The following LRP12 variants were observed in gnomAD, a reference collection of about 807,000 sequenced individuals.
The protein encoded by LRP12 is LDL receptor related protein 12.
LRP12 carries 14 observed loss-of-function variants against 66.0 expected under a neutral mutation model. That is an observed-to-expected ratio of 0.21 (90% CI 0.14 to 0.33). The LOEUF (loss-of-function observed/expected upper bound fraction) is 0.33. LRP12 is among the 10% of genes least tolerant of loss of function. The pLI, the probability that LRP12 is intolerant of heterozygous loss-of-function variation, is 1.00. For missense variants in LRP12, 889 were observed against 1,053.4 expected (o/e 0.84, Z 2.16); for synonymous variants, 357 against 359.1 (o/e 0.99, Z 0.07).
At chr8:104,584,803 A>C (rs1472732544) in intron 1 of LRP12, among the ~76,000 whole-genome samples, 1 of 152,224 alleles carries the variant, frequency 6.6e-6, no homozygotes, top group African/African-American at 2.4e-5. Context: ...TTATGTAATC[A>C]AACTTGACTT....
At chr8:104,570,726 T>C (rs563718144) in intron 1 of LRP12, among the ~76,000 whole-genome samples, 53 of 152,248 alleles carry the variant, frequency 3.5e-4, no homozygotes, top group African/African-American at 1.3e-3. Context: ...TAAAGAGCTT[T>C]TAGAAATGAC....
rs1810611139 is a variant in LRP12 at position 104,490,889 on chromosome 8, C to G, written c.2364G>C (p.Val788=). Residue 788 remains valine, a synonymous_variant, in exon 7 of 7, where the codon GTG becomes GTC. Coordinates refer to ENST00000276654, the MANE Select transcript of LRP12 (RefSeq NM_013437.5). ...CAAGAAGAGGTCTGGAGCAGTCATT[C>G]ACATCAAAGTCTGAAGATCCATCAG... ...PISDGSSDFD[V]NDCSRPLLDL... The G allele has an allele frequency of 1.2e-6, 2 of 1,614,122 alleles. No homozygotes were observed. Among genetic ancestry groups the G allele is most frequent in the Non-Finnish European group, 1.7e-6 (2 of 1,180,014 alleles).
chr8:104,583,497 C>T (rs1288556639), intron 1 of LRP12, among the ~76,000 whole-genome samples: 1 of 152,182 alleles, frequency 6.6e-6, no homozygotes, highest in Non-Finnish European at 1.5e-5. Context: ...TACTCTGTGC[C>T]TGTTACTCAC....
At chr8:104,580,874 C>T (rs114387724) in intron 1 of LRP12, among the ~76,000 whole-genome samples, 4,673 of 152,212 alleles carry the variant, frequency 0.031, 237 homozygotes, top group African/African-American at 0.11. Flanking sequence ...GACAACGTGG[C>T]GACTCCTCAA....
chr8:104,522,885 G>A (rs1436659061), intron 2 of LRP12, among the ~76,000 whole-genome samples: 1 of 152,028 alleles, frequency 6.6e-6, no homozygotes, highest in Non-Finnish European at 1.5e-5. Context: ...ATAAAAGGTT[G>A]AGACTTTAAT....
At chr8:104,579,826 G>A (rs138557614) in intron 1 of LRP12, among the ~76,000 whole-genome samples, 5 of 152,236 alleles carry the variant, frequency 3.3e-5, no homozygotes, top group South Asian at 2.1e-4. Context: ...ATGAGCCATA[G>A]GAAAAGGATT....
chr8:104,555,160 T>C (rs191123267), intron 1 of LRP12, among the ~76,000 whole-genome samples: 3 of 152,142 alleles, frequency 2.0e-5, no homozygotes, highest in Non-Finnish European at 2.9e-5. Context: ...TATACCAAAA[T>C]AAAACCTCCT....
At chr8:104,556,459 T>C (rs1029536190) in intron 1 of LRP12, among the ~76,000 whole-genome samples, 2 of 152,040 alleles carry the variant, frequency 1.3e-5, no homozygotes, top group Non-Finnish European at 2.9e-5. Flanking sequence ...ATGGGAGATA[T>C]TACAACTGAT....
At chr8:104,492,587 A>C (rs1342947255) in intron 6 of LRP12, among the ~76,000 whole-genome samples, 2 of 152,190 alleles carry the variant, frequency 1.3e-5, no homozygotes, top group Admixed American at 6.5e-5. Context: ...AGAAGAAAGA[A>C]GGTAGAAAAT....
chr8:104,569,831 T>C (rs561156122), intron 1 of LRP12, among the ~76,000 whole-genome samples: 1 of 151,804 alleles, frequency 6.6e-6, no homozygotes, highest in East Asian at 1.9e-4. Flanking sequence ...AATAAATAAA[T>C]TAAAAAAAGG....
At chr8:104,575,726 C>T (rs1049973007) in intron 1 of LRP12, among the ~76,000 whole-genome samples, 7 of 152,104 alleles carry the variant, frequency 4.6e-5, no homozygotes, top group Non-Finnish European at 5.9e-5. Context: ...CTTTTTCCCT[C>T]CAAATGACCA....
intron 1 of LRP12, among the ~76,000 whole-genome samples, chr8:104,553,989 G>A (rs916281077): frequency 3.9e-5 from 6 of 152,284 alleles, no homozygotes; most frequent in Non-Finnish European, 8.8e-5. Flanking sequence ...CCAGGCCAGA[G>A]CCTGGTAGCT....
intron 1 of LRP12, among the ~76,000 whole-genome samples, chr8:104,548,171 A>AATATATAAT (rs1554709879): frequency 2.8e-4 from 28 of 99,084 alleles, no homozygotes; most frequent in Non-Finnish European, 4.7e-4. Flanking sequence ...TATTATATAT[A>AATATATAAT]ATATAATATA....
At chr8:104,548,895 G>A (rs1040765381) in intron 1 of LRP12, among the ~76,000 whole-genome samples, 2 of 151,308 alleles carry the variant, frequency 1.3e-5, no homozygotes, top group African/African-American at 4.9e-5. Flanking sequence ...CTGAGACTGC[G>A]CCATTGCACT....
rs548934402 is a variant in LRP12, at chr8:104,499,477, C to G, written c.315G>C (p.Leu105Phe). The G allele has an allele frequency of 6.2e-7, 1 of 1,612,196 alleles. No homozygotes were observed. Among genetic ancestry groups the G allele is most frequent in the East Asian group, 2.2e-5 (1 of 44,796 alleles). Reference sequence around the variant, plus strand: ...TGTATGTTTCTATTGTCAACCAGTCCAAATTGCACCTTCTGGATCCTTGAA... The same window carrying G: ...TGTATGTTTCTATTGTCAACCAGTCGAAATTGCACCTTCTGGATCCTTGAA... ...FDIQGSRRCN[L>F]DWLTIETYKN... The change falls in exon 4 of 7, where the codon TTG becomes TTC. Residue 105 changes from leucine (L) to phenylalanine (F), a missense_variant. This residue lies in a region of LRP12 where 800 missense variants were observed against 964.5 expected (regional missense o/e 0.83). Coordinates refer to ENST00000276654, the MANE Select transcript of LRP12 (RefSeq NM_013437.5).
chr8:104,524,718 T>C (rs1379972203), intron 2 of LRP12, among the ~76,000 whole-genome samples: 1 of 152,052 alleles, frequency 6.6e-6, no homozygotes, highest in African/African-American at 2.4e-5. Flanking sequence ...TGTAGGAAGG[T>C]AGGGTTAATG....
intron 2 of LRP12, among the ~76,000 whole-genome samples, chr8:104,517,002 T>C (rs1811079528): frequency 6.6e-6 from 1 of 151,852 alleles, no homozygotes. Context: ...ACTTTGATTT[T>C]AATAAATCAC....
intron 1 of LRP12, among the ~76,000 whole-genome samples, chr8:104,580,035 A>T (rs1812221221): frequency 6.6e-6 from 1 of 152,318 alleles, no homozygotes; most frequent in African/African-American, 2.4e-5. Flanking sequence ...ATCTCAGGAT[A>T]AAGATGCCAA....
intron 1 of LRP12, among the ~76,000 whole-genome samples, chr8:104,542,266 T>G (rs73295148): frequency 0.017 from 2,565 of 152,332 alleles, 70 homozygotes; most frequent in African/African-American, 0.058. Context: ...TCTTTTCATG[T>G]GCTTAACAGC....
Sources: allele counts gnomAD v4.1 joint callset (sites outside exome capture counted in the v4.1 genomes callset), GRCh38; gene constraint gnomAD v4.1.1; regional missense constraint gnomAD v4.1.1; transcripts MANE v1.5; gene names NCBI Gene and HGNC (gene_info 2026-07-23, HGNC 2026-07-21).